EPHA8: variants seen among roughly 807,000 people sequenced by gnomAD.
EPHA8 encodes EPH receptor A8.
Under a neutral mutation model 103.6 loss-of-function variants are expected in EPHA8, and 58 were observed. The ratio of observed to expected loss-of-function variants is 0.56; its 90% CI spans 0.45 to 0.70. EPHA8 has a LOEUF of 0.70. EPHA8 is among the 30% of genes least tolerant of loss of function. The probability of loss-of-function intolerance (pLI) is 0.00; values close to 1 mark genes in which losing one functional copy is unlikely to be tolerated. For synonymous variants in EPHA8, 559 were observed against 572.5 expected, an observed-to-expected ratio of 0.98 and a Z score of 0.34; for missense variants, 1,304 against 1,395.2, an observed-to-expected ratio of 0.93 and a Z score of 1.04.
chr1:22,580,965 T>C (rs1641029899), intron 3 of EPHA8, among the ~76,000 whole-genome samples: 1 of 152,234 alleles, frequency 6.6e-6, no homozygotes, highest in Non-Finnish European at 1.5e-5. Flanking sequence ...ACCTTAGTGA[T>C]GATTTTTCGT....
chr1:22,566,373 TG>T (rs1311293082), intron 1 of EPHA8, among the ~76,000 whole-genome samples: 2 of 152,158 alleles, frequency 1.3e-5, no homozygotes, highest in African/African-American at 4.8e-5. Context: ...CGAAATGGAA[TG>T]GGGGAAGGCG....
At position 22,575,221 on chromosome 1, in the gene EPHA8, G is replaced by A. The variant is rs187291359; in HGVS notation, c.160-996G>A. On this transcript the variant is annotated intron_variant, in intron 2 of 16. Coordinates refer to ENST00000166244, the MANE Select transcript of EPHA8 (RefSeq NM_020526.5). The stretch of plus-strand genomic sequence containing the variant: ...CTGCTTCGGCCTCCCAAAGTGCTGG[G>A]ATTACAGGCGTGAGCCACCGCACCT... 6.4e-3 allele frequency among the ~76,000 whole-genome samples: 980 copies of A among 152,110 alleles called. 8 individuals carry two copies. The highest frequency in any genetic ancestry group is 0.025 in the East Asian group (129 of 5,176).
chr1:22,590,261 C>G (rs547484496), intron 5 of EPHA8, among the ~76,000 whole-genome samples: 3 of 152,280 alleles, frequency 2.0e-5, no homozygotes, highest in African/African-American at 7.2e-5. Context: ...GCAGGCTGGT[C>G]CCAAGTGGAG....
Position 22,600,976 on chromosome 1 carries a change from G to A in EPHA8, c.2617G>A (p.Asp873Asn), listed in dbSNP as rs755951383. ...CCACGCCCTGCACCAGCTCATGCTC[G>A]ACTGTTGGCACAAGGACCGGGCGCA... ...CPHALHQLMLDCWHKDRAQRP... is the reference protein window; with the variant it reads ...CPHALHQLMLNCWHKDRAQRP... Residue 873 changes from aspartate to asparagine, a missense_variant, in exon 15 of 17, where the codon GAC (aspartate) becomes AAC (asparagine). Transcript: ENST00000166244. The A allele has an allele frequency of 6.8e-6, 11 of 1,613,060 alleles. No individual in the cohort carries two copies. The highest frequency in any genetic ancestry group is 1.7e-4 in the Middle Eastern group (1 of 6,058).
chr1:22,599,227 C>G (rs1460464924), intron 13 of EPHA8, among the ~76,000 whole-genome samples, 180 bp downstream of exon 13: 1 of 152,224 alleles, frequency 6.6e-6, no homozygotes, highest in Non-Finnish European at 1.5e-5. Flanking sequence ...GAAATGGGAA[C>G]AGCCTTGCCT....
chr1:22,577,685 C>A (rs531191609), intron 3 of EPHA8, among the ~76,000 whole-genome samples: 26 of 152,160 alleles, frequency 1.7e-4, no homozygotes, highest in Middle Eastern at 3.4e-3. Flanking sequence ...GGCAGCTGTA[C>A]CCATAGGTGT....
At chr1:22,578,019 G>A (rs1312118417) in intron 3 of EPHA8, among the ~76,000 whole-genome samples, 8 of 88,462 alleles carry the variant, frequency 9.0e-5, no homozygotes, top group Admixed American at 1.2e-4. Flanking sequence ...ATGTGTATGT[G>A]TACATGTGTG....
chr1:22,579,322 C>T (rs955845918), intron 3 of EPHA8, among the ~76,000 whole-genome samples: 7 of 148,340 alleles, frequency 4.7e-5, no homozygotes, highest in African/African-American at 1.0e-4. Flanking sequence ...TGTATATATG[C>T]ATGTGTCCAT....
rs1570044006 is a variant in EPHA8 at position 22,601,830 on chromosome 1, C to T, written c.*89C>T. The stretch of plus-strand genomic sequence containing the variant: ...CGTGAGGGGCTGGCAGCAGGCAGGG[C>T]GGCCCCAGGCCTCTGCCCTCCTCTC... On this transcript the variant is annotated 3_prime_UTR_variant, in exon 17 of 17. Transcript: ENST00000166244. The T allele has an allele frequency of 3.2e-5, 40 of 1,261,588 alleles. No individual in the cohort carries two copies. Among genetic ancestry groups the T allele is most frequent in the Non-Finnish European group, 3.9e-5 (35 of 901,988 alleles). 78.1% of individuals were successfully genotyped at this position (1,261,588 alleles called of 1,614,324 possible).
Position 22,569,458 on chromosome 1 carries a change from G to C in EPHA8, c.159+105G>C. The C allele has an allele frequency of 7.9e-7, 1 of 1,261,200 alleles. No individual in the cohort carries two copies. Among genetic ancestry groups the C allele is most frequent in the Non-Finnish European group, 1.1e-6 (1 of 913,794 alleles). 78.1% of individuals were successfully genotyped at this position (1,261,200 alleles called of 1,614,324 possible). On this transcript the variant is annotated intron_variant, in intron 2 of 16. Transcript: ENST00000166244. The surrounding 1 kb of genome is among the most constrained non-coding windows in gnomAD (Gnocchi z 4.5). ...GATCAAAAGGAAGCAGAGGCCCAGAGAGGTCAAGGGACTTACCCAAGGGCA... is the reference window on the plus strand; with the variant it reads ...GATCAAAAGGAAGCAGAGGCCCAGACAGGTCAAGGGACTTACCCAAGGGCA...
intron 3 of EPHA8, among the ~76,000 whole-genome samples, chr1:22,578,940 T>C (rs998520271): frequency 4.1e-5 from 6 of 145,556 alleles, no homozygotes; most frequent in Non-Finnish European, 7.6e-5. Flanking sequence ...TGCATGTGTG[T>C]ATGTATGCAT....
At chr1:22,600,266 GGGAA>G (rs1050359762) in intron 13 of EPHA8, among the ~76,000 whole-genome samples, 6 of 146,030 alleles carry the variant, frequency 4.1e-5, no homozygotes, top group East Asian at 2.1e-4. Flanking sequence ...GAAGGAAGAA[GGGAA>G]GGAAGGAAGG....
intron 9 of EPHA8, among the ~76,000 whole-genome samples, 168 bp downstream of exon 9, chr1:22,596,341 G>T (rs1416982174): frequency 6.6e-6 from 1 of 152,212 alleles, no homozygotes; most frequent in Non-Finnish European, 1.5e-5. Flanking sequence ...AGAGGGCAGC[G>T]CCGTTCATGC....
chr1:22,578,558 C>T (rs1197715274), intron 3 of EPHA8, among the ~76,000 whole-genome samples: 1 of 110,330 alleles, frequency 9.1e-6, no homozygotes, highest in African/African-American at 3.5e-5. Flanking sequence ...TGAGTGTGCA[C>T]ATTTGTTAGT....
rs576484084 is a variant in EPHA8, at chr1:22,590,126, C to T, written c.1315+920C>T. ...GAAGATTCCCTCATTCGACAGCCCT[C>T]GTGGAACACCCACTAAATGCCAAGT... On this transcript the variant is annotated intron_variant, in intron 5 of 16. Coordinates refer to ENST00000166244, the MANE Select transcript of EPHA8 (RefSeq NM_020526.5). Among the ~76,000 whole-genome samples, 52 of 152,298 alleles carry T rather than the reference C, an allele frequency of 3.4e-4. No homozygotes were observed. The South Asian group carries it at 8.3e-3, about 24-fold the overall frequency.
At position 22,597,115 on chromosome 1, in the gene EPHA8, C is replaced by T. The variant is rs1248023734; in HGVS notation, c.1766-197C>T. 6.6e-6 allele frequency among the ~76,000 whole-genome samples: 1 copy of T among 152,140 alleles called. No individual in the cohort carries two copies. The highest frequency in any genetic ancestry group is 1.5e-5 in the Non-Finnish European group (1 of 68,036). On this transcript the variant is annotated intron_variant, in intron 9 of 16. Transcript: ENST00000166244. This position sits in a 1 kb window ranked among gnomAD's most constrained non-coding sequence, Gnocchi z 4.6. ...GAACTCACTGGAGACTCCACAGCCC[C>T]ATAGAAACCCCAGAGCGACTCCAGA...
intron 2 of EPHA8, among the ~76,000 whole-genome samples, chr1:22,571,327 A>G (rs1557552086): frequency 6.6e-6 from 1 of 152,160 alleles, no homozygotes; most frequent in Non-Finnish European, 1.5e-5. Flanking sequence ...CCCACAACCA[A>G]TCCTTGAGGT....
At chr1:22,564,102 C>T (rs1486997902) in intron 1 of EPHA8, among the ~76,000 whole-genome samples, 2 of 131,790 alleles carry the variant, frequency 1.5e-5, no homozygotes, top group African/African-American at 2.9e-5. Context: ...TGAGGTAGGG[C>T]AAGGAACAGG....
rs890333614 is a variant in EPHA8 at position 22,597,004 on chromosome 1, T to A, written c.1766-308T>A. Among the ~76,000 whole-genome samples, 1 of 152,142 alleles carries A rather than the reference T, an allele frequency of 6.6e-6. No individual in the cohort carries two copies. The highest frequency in any genetic ancestry group is 1.5e-5 in the Non-Finnish European group (1 of 68,032). ...AAAGTTGACCCTTGTGGCAAAAACTTATTTTTGCTACATCCCTACTCCAGA... is the reference window on the plus strand; with the variant it reads ...AAAGTTGACCCTTGTGGCAAAAACTAATTTTTGCTACATCCCTACTCCAGA... On this transcript the variant is annotated intron_variant, in intron 9 of 16. Transcript: ENST00000166244. The surrounding 1 kb of genome is among the most constrained non-coding windows in gnomAD (Gnocchi z 4.6).
Sources: gnomAD v4.1 joint callset for allele counts (sites outside exome capture counted in the v4.1 genomes callset) on GRCh38, gnomAD v4.1.1 for gene constraint, Gnocchi (gnomAD v3.1) non-coding constraint, MANE v1.5 for transcripts, NCBI Gene and HGNC (gene_info 2026-07-23, HGNC 2026-07-21) for gene names.